The following HS6ST3 variants were observed in gnomAD, a reference collection of about 807,000 sequenced individuals.
The protein encoded by HS6ST3 is heparan-sulfate 6-O-sulfotransferase 3.
Under a neutral mutation model 36.7 loss-of-function variants are expected in HS6ST3, and 12 were observed. That is an observed-to-expected ratio of 0.33 (90% confidence interval 0.21 to 0.53). HS6ST3 has a LOEUF of 0.53. Among genes scored for constraint, HS6ST3 ranks in the 20% least tolerant of loss-of-function variants. The pLI is 0.95. For synonymous variants in HS6ST3, 240 were observed against 257.5 expected (o/e 0.93, Z 0.65); for missense variants, 584 against 640.9 (o/e 0.91, Z 0.96).
At position 96,560,762 on chromosome 13, in the gene HS6ST3, C is replaced by T. The variant is rs139045754; in HGVS notation, c.708-271728C>T. On this transcript the variant is annotated intron_variant, in intron 1 of 1. Coordinates refer to ENST00000376705, the MANE Select transcript of HS6ST3 (RefSeq NM_153456.4). ...ACCAAGCTAAGAGCCAAATCAAGAA[C>T]GTAATGCCATTTACAATAGCTGCAA... is the stretch of plus-strand genomic sequence containing the variant. Among the ~76,000 whole-genome samples, 1,161 of 152,136 alleles carry T rather than the reference C, an allele frequency of 7.6e-3. 8 individuals are homozygous for T. The highest frequency in any genetic ancestry group is 0.017 in the African/African-American group (710 of 41,502).
At chr13:96,305,128 A>G (rs1035125755) in intron 1 of HS6ST3, among the ~76,000 whole-genome samples, 1 of 152,092 alleles carries the variant, frequency 6.6e-6, no homozygotes, top group African/African-American at 2.4e-5. Flanking sequence ...AATTATAGCC[A>G]TTGTATACAT....
At chr13:96,254,432 A>T (rs2054622751) in intron 1 of HS6ST3, among the ~76,000 whole-genome samples, 1 of 55,072 alleles carries the variant, frequency 1.8e-5, no homozygotes, top group African/African-American at 7.2e-5. Flanking sequence ...AAAAAAAAAA[A>T]AAAAAAAAAA....
chr13:96,366,038 T>C (rs1183134717), intron 1 of HS6ST3, among the ~76,000 whole-genome samples: 1 of 152,232 alleles, frequency 6.6e-6, no homozygotes, highest in Non-Finnish European at 1.5e-5. Context: ...AATGATCATA[T>C]CTACTGCTGA....
At chr13:96,289,169 A>G (rs1482185323) in intron 1 of HS6ST3, among the ~76,000 whole-genome samples, 1 of 152,186 alleles carries the variant, frequency 6.6e-6, no homozygotes, top group African/African-American at 2.4e-5. Flanking sequence ...AACAAATAAG[A>G]GAACTAATAC....
At chr13:96,309,016 C>G (rs1463568393) in intron 1 of HS6ST3, among the ~76,000 whole-genome samples, 3 of 152,090 alleles carry the variant, frequency 2.0e-5, no homozygotes, top group Admixed American at 2.0e-4. Context: ...TAGACTTCAA[C>G]TGTGGAAAAA....
At chr13:96,418,347 G>A (rs1346250119) in intron 1 of HS6ST3, among the ~76,000 whole-genome samples, 1 of 152,164 alleles carries the variant, frequency 6.6e-6, no homozygotes, top group Admixed American at 6.5e-5. Context: ...TTGGCATTAT[G>A]AACGATTTTA....
chr13:96,645,482 C>G (rs1267771258), intron 1 of HS6ST3, among the ~76,000 whole-genome samples: 1 of 150,736 alleles, frequency 6.6e-6, no homozygotes, highest in South Asian at 2.1e-4. Flanking sequence ...TTCCATGTCA[C>G]TGTTCTAATT....
At chr13:96,437,716 G>T (rs1001682147) in intron 1 of HS6ST3, among the ~76,000 whole-genome samples, 3 of 152,180 alleles carry the variant, frequency 2.0e-5, no homozygotes, top group Non-Finnish European at 4.4e-5. Flanking sequence ...CATTGCCTTT[G>T]CTTATTCAGT....
intron 1 of HS6ST3, among the ~76,000 whole-genome samples, chr13:96,427,058 C>T (rs967690738): frequency 1.3e-5 from 2 of 152,164 alleles, no homozygotes; most frequent in Non-Finnish European, 2.9e-5. Context: ...ATTTTTAAAG[C>T]TTCCCAGGTG....
At chr13:96,325,212 T>C (rs1412566563) in intron 1 of HS6ST3, among the ~76,000 whole-genome samples, 1 of 152,190 alleles carries the variant, frequency 6.6e-6, no homozygotes, top group African/African-American at 2.4e-5. Context: ...GCTATACTTT[T>C]AGAAGTATTT....
At chr13:96,224,093 C>T (rs1044504042) in intron 1 of HS6ST3, among the ~76,000 whole-genome samples, 8 of 151,946 alleles carry the variant, frequency 5.3e-5, no homozygotes, top group Admixed American at 1.3e-4. Context: ...GCTGTCCATC[C>T]TAGAGGCACA....
At chr13:96,394,518 C>A in intron 1 of HS6ST3, among the ~76,000 whole-genome samples, 1 of 152,104 alleles carries the variant, frequency 6.6e-6, no homozygotes, top group East Asian at 1.9e-4. Context: ...TTTAAGTCAG[C>A]TTGGTTTCAT....
intron 1 of HS6ST3, among the ~76,000 whole-genome samples, chr13:96,251,401 A>G (rs2054607380): frequency 6.6e-6 from 1 of 152,026 alleles, no homozygotes; most frequent in African/African-American, 2.4e-5. Flanking sequence ...ATCTCTTATT[A>G]TCCTTTGTGT....
At chr13:96,737,518 G>C (rs1006304439) in intron 1 of HS6ST3, among the ~76,000 whole-genome samples, 1 of 150,250 alleles carries the variant, frequency 6.7e-6, no homozygotes, top group African/African-American at 2.4e-5. Flanking sequence ...CCAGCTACTC[G>C]GGAGGCTGAG....
At chr13:96,697,456 T>G (rs1875159522) in intron 1 of HS6ST3, among the ~76,000 whole-genome samples, 1 of 151,928 alleles carries the variant, frequency 6.6e-6, no homozygotes, top group African/African-American at 2.4e-5. Flanking sequence ...GCAATAAACT[T>G]TTTAGAACTG....
chr13:96,547,622 G>A (rs1185488437), intron 1 of HS6ST3, among the ~76,000 whole-genome samples: 1 of 152,170 alleles, frequency 6.6e-6, no homozygotes, highest in Non-Finnish European at 1.5e-5. Context: ...TTTGGCTTAG[G>A]TATTTCTGCA....
chr13:96,103,185 C>A (rs911618039), intron 1 of HS6ST3, among the ~76,000 whole-genome samples: 1 of 152,056 alleles, frequency 6.6e-6, no homozygotes, highest in Non-Finnish European at 1.5e-5. Context: ...AAATCTGAGA[C>A]CTTTTTAAAA....
intron 1 of HS6ST3, among the ~76,000 whole-genome samples, chr13:96,242,961 A>T (rs1439491157): frequency 2.0e-5 from 3 of 152,230 alleles, no homozygotes; most frequent in African/African-American, 7.2e-5. Flanking sequence ...AAATAGATAA[A>T]GAAAATGTGG....
chr13:96,618,618 A>G (rs1409795243), intron 1 of HS6ST3, among the ~76,000 whole-genome samples: 1 of 152,182 alleles, frequency 6.6e-6, no homozygotes, highest in Non-Finnish European at 1.5e-5. Flanking sequence ...AGGGCTCTCA[A>G]TTTGTATTGG....
Sources: allele counts gnomAD v4.1 joint callset (sites outside exome capture counted in the v4.1 genomes callset), GRCh38; gene constraint gnomAD v4.1.1; transcripts MANE v1.5; gene names NCBI Gene and HGNC (gene_info 2026-07-23, HGNC 2026-07-21).